CELF2: variants seen among roughly 807,000 people sequenced by gnomAD.
CELF2 encodes the protein CUG triplet repeat RNA-binding protein 2.
In CELF2, 8 loss-of-function variants were observed where a neutral mutation model predicts 62.6. The observed-to-expected ratio is 0.13, with a 90% confidence interval of 0.07 to 0.23. The LOEUF (loss-of-function observed/expected upper bound fraction) is 0.23. Ranked by LOEUF, CELF2 falls within the 10% of genes least tolerant of loss-of-function variation. The pLI is 1.00. For synonymous variants in CELF2, 258 were observed against 250.0 expected (o/e 1.03, Z -0.30); for missense variants, 333 against 671.0 (o/e 0.50, Z 5.56).
intron 1 of CELF2, among the ~76,000 whole-genome samples, chr10:10,854,817 T>C (rs2059607692): frequency 1.3e-5 from 2 of 151,932 alleles, no homozygotes; most frequent in Non-Finnish European, 2.9e-5. Flanking sequence ...CAAGTCAACA[T>C]CATTCTCCCA....
At position 10,928,961 on chromosome 10, in the gene CELF2, A is replaced by G. The variant is rs1053083930; in HGVS notation, c.89+8962A>G. Among the ~76,000 whole-genome samples, 7 of 152,224 alleles carry G rather than the reference A, an allele frequency of 4.6e-5. No homozygotes were observed. Among genetic ancestry groups the G allele is most frequent in the African/African-American group, 1.7e-4 (7 of 41,462 alleles). ...AATGAATTAATAAGTGTTTGAATGG[A>G]TTAATAAATGTTTAAATCAATGAAT... On this transcript the variant is annotated intron_variant, in intron 2 of 13. Transcript: ENST00000636488. This position sits in a 1 kb window ranked among gnomAD's most constrained non-coding sequence, Gnocchi z 4.8.
intron 1 of CELF2, among the ~76,000 whole-genome samples, chr10:11,132,362 C>T (rs751303942): frequency 1.3e-5 from 2 of 152,046 alleles, no homozygotes; most frequent in African/African-American, 4.8e-5. Flanking sequence ...TTCAGGAGAG[C>T]AAAAGCCTAG....
chr10:10,984,579 C>G (rs2136475967), intron 2 of CELF2, among the ~76,000 whole-genome samples: 1 of 152,280 alleles, frequency 6.6e-6, no homozygotes, highest in Non-Finnish European at 1.5e-5. Flanking sequence ...AGGATAACCT[C>G]AGTTGCATGT....
intron 2 of CELF2, among the ~76,000 whole-genome samples, chr10:11,216,877 G>A (rs1264442694): frequency 6.6e-6 from 1 of 152,150 alleles, no homozygotes; most frequent in Non-Finnish European, 1.5e-5. Flanking sequence ...TTCCGTATTG[G>A]CAAATGAGTA....
chr10:11,082,425 G>T (rs2074263846), intron 1 of CELF2, among the ~76,000 whole-genome samples: 1 of 152,196 alleles, frequency 6.6e-6, no homozygotes, highest in African/African-American at 2.4e-5. Context: ...CTGTTCAACA[G>T]AAACGTACTG....
the CELF2 span, among the ~76,000 whole-genome samples, chr10:10,512,334 T>C: frequency 6.6e-6 from 1 of 151,528 alleles, no homozygotes; most frequent in African/African-American, 2.4e-5. Context: ...ATGAATTCTC[T>C]ACTGCTGATG....
chr10:10,773,360 C>T, the CELF2 span, among the ~76,000 whole-genome samples: 2 of 152,166 alleles, frequency 1.3e-5, no homozygotes, highest in Non-Finnish European at 2.9e-5. Context: ...TTTTCAAACC[C>T]GAACACTTCA....
chr10:10,779,148 T>C, the CELF2 span, among the ~76,000 whole-genome samples: 1 of 152,232 alleles, frequency 6.6e-6, no homozygotes, highest in African/African-American at 2.4e-5. Context: ...TGACTAACAT[T>C]TGCAGAATGG....
chr10:11,279,806 C>T (rs1388933489), intron 8 of CELF2, among the ~76,000 whole-genome samples: 1 of 152,094 alleles, frequency 6.6e-6, no homozygotes, highest in Non-Finnish European at 1.5e-5. Context: ...ATAATTTCTT[C>T]GTTTTGAGAA....
In CELF2 at chr10:11,297,840, G is replaced by A. The variant is rs2093347155; in HGVS notation, c.976+9288G>A. 6.6e-6 allele frequency among the ~76,000 whole-genome samples: 1 copy of A among 152,084 alleles called. No homozygotes were observed. Among genetic ancestry groups the A allele is most frequent in the Non-Finnish European group, 1.5e-5 (1 of 68,034 alleles). On this transcript the variant is annotated intron_variant, in intron 9 of 12. Transcript: ENST00000633077. This position sits in a 1 kb window ranked among gnomAD's most constrained non-coding sequence, Gnocchi z 4.4. ...TACTAAAAATACAAAAATTAGCCGG[G>A]TATGGTGGTGCACACCTGTGGTTCC...
At chr10:10,820,587 C>CA (rs1289234493) in intron 1 of CELF2, among the ~76,000 whole-genome samples, 2 of 152,046 alleles carry the variant, frequency 1.3e-5, no homozygotes, top group African/African-American at 4.8e-5. Flanking sequence ...AAAATAAATA[C>CA]AAAATCACAC....
At chr10:10,651,210 G>T in the CELF2 span, among the ~76,000 whole-genome samples, 1 of 102,834 alleles carries the variant, frequency 9.7e-6, no homozygotes, top group Non-Finnish European at 2.1e-5. Flanking sequence ...CATCTGGCTC[G>T]GAGGGTCCTA....
At chr10:11,197,025 A>AAAGAAGGAAGG (rs1554936315) in intron 2 of CELF2, among the ~76,000 whole-genome samples, 1 of 26,044 alleles carries the variant, frequency 3.8e-5, no homozygotes, top group African/African-American at 1.8e-4. Flanking sequence ...AGAAAGAAAG[A>AAAGAAGGAAGG]AAAGAAAGAA....
At chr10:10,584,636 C>T in the CELF2 span, among the ~76,000 whole-genome samples, 1 of 152,194 alleles carries the variant, frequency 6.6e-6, no homozygotes, top group African/African-American at 2.4e-5. Context: ...TGCATAGACA[C>T]TGTATCTGAA....
intron 1 of CELF2, among the ~76,000 whole-genome samples, chr10:11,093,935 T>C (rs989757811): frequency 6.6e-6 from 1 of 152,252 alleles, no homozygotes; most frequent in African/African-American, 2.4e-5. Flanking sequence ...TCCATCATTG[T>C]CATGGACAAT....
the CELF2 span, among the ~76,000 whole-genome samples, chr10:10,552,990 G>A: frequency 2.0e-5 from 3 of 152,162 alleles, no homozygotes; most frequent in African/African-American, 7.2e-5. Context: ...GGGAGATGGG[G>A]AGAGAGGGAG....
the CELF2 span, among the ~76,000 whole-genome samples, chr10:10,759,296 CTTTT>C: frequency 0.025 from 3,066 of 120,900 alleles, 207 homozygotes; most frequent in African/African-American, 0.077. Context: ...GCCCATTTTT[CTTTT>C]TTTTTTTTTT....
intron 5 of CELF2, among the ~76,000 whole-genome samples, chr10:11,263,764 C>A (rs189754650): frequency 6.6e-6 from 1 of 152,228 alleles, no homozygotes; most frequent in South Asian, 2.1e-4. Flanking sequence ...AATCCTAAAG[C>A]CACCCATGTG....
At chr10:10,910,699 C>CAAAAAAAAAAAAA (rs55954207) in intron 1 of CELF2, among the ~76,000 whole-genome samples, 25 of 92,138 alleles carry the variant, frequency 2.7e-4, no homozygotes, top group East Asian at 1.0e-3. Context: ...GACTCTGCCT[C>CAAAAAAAAAAAAA]AAAAAAAAAA....
Sources: gnomAD v4.1 joint callset for allele counts (sites outside exome capture counted in the v4.1 genomes callset) on GRCh38, gnomAD v4.1.1 for gene constraint, Gnocchi (gnomAD v3.1) non-coding constraint, MANE v1.5 for transcripts, NCBI Gene and HGNC (gene_info 2026-07-23, HGNC 2026-07-21) for gene names.